The following NLRC5 variants were observed in gnomAD, a reference collection of about 807,000 sequenced individuals.
The protein encoded by NLRC5 is NLR family CARD domain containing 5, also known as protein NLRC5.
NLRC5 carries 114 observed loss-of-function variants against 206.9 expected under a neutral mutation model. The ratio of observed to expected loss-of-function variants is 0.55; its 90% CI spans 0.47 to 0.64. The LOEUF is 0.64. Among genes scored for constraint, NLRC5 ranks in the 30% least tolerant of loss-of-function variants. NLRC5 has a pLI of 0.00. For missense variants in NLRC5, 2,008 were observed against 2,305.5 expected, an observed-to-expected ratio of 0.87 and a Z score of 2.64; for synonymous variants, 952 against 962.8, an observed-to-expected ratio of 0.99 and a Z score of 0.21.
chr16:57,033,793 C>T (rs991952951), intron 12 of NLRC5, 124 bp downstream of exon 12: 28 of 912,414 alleles, frequency 3.1e-5, no homozygotes, highest in Middle Eastern at 4.7e-4. Flanking sequence ...AAGGATTAGC[C>T]GGGTGTGGTG....
intron 3 of NLRC5, 94 bp from the exon 4 acceptor site, chr16:57,022,162 G>A: frequency 2.0e-6 from 2 of 977,518 alleles, no homozygotes; most frequent in Non-Finnish European, 3.1e-6. Context: ...GTATCTCCCT[G>A]TGAGATGAGC....
Position 57,055,094 on chromosome 16 carries a change from G to A in NLRC5, c.3659G>A (p.Gly1220Asp). The A allele has an allele frequency of 6.2e-7, 1 of 1,614,168 alleles. No individual in the cohort carries two copies. The highest frequency in any genetic ancestry group is 8.5e-7 in the Non-Finnish European group (1 of 1,180,044). The change falls in exon 26 of 49, where the codon GGC becomes GAC. Residue 1220 changes from glycine to aspartate, a missense_variant and splice_region_variant. Coordinates refer to ENST00000688547, the MANE Select transcript of NLRC5 (RefSeq NM_001384950.1). ...GAGGAGGAGGAAGGCGTGTGCTGTG[G>A]GTAAGCCCCCTTGAACCATGCCTAG... ...SNEEEEGVCC[G>D]RFTGCSLSQE... is the part of the protein sequence containing the mutation.
intron 36 of NLRC5, 63 bp from the exon 37 acceptor site, chr16:57,069,773 A>T (rs779565671): frequency 1.2e-5 from 16 of 1,369,142 alleles, no homozygotes; most frequent in Non-Finnish European, 1.4e-5. Flanking sequence ...TGCCACCAGC[A>T]TTCAGAGCTC....
chr16:57,082,423 GA>G lies in NLRC5; in HGVS notation c.5498del (p.Asn1833IlefsTer12), dbSNP rs772211641. On this transcript the variant is annotated frameshift_variant, in exon 49 of 49. Coordinates refer to ENST00000688547, the MANE Select transcript of NLRC5 (RefSeq NM_001384950.1). LOFTEE classifies it low-confidence loss of function (END_TRUNC). The part of the protein sequence containing the change: ...GSSIQVIRLW[N>X]NPIPCDMAQH... Reference sequence around the variant, plus strand: ...CTATATCTGTGCCCCACAGCCTCTGGAATAACCCCATTCCCTGCGACATGGC... The same window carrying G: ...CTATATCTGTGCCCCACAGCCTCTGGATAACCCCATTCCCTGCGACATGGC... 2 of 1,611,722 alleles carry G rather than the reference GA, an allele frequency of 1.2e-6. No homozygotes were observed. Among genetic ancestry groups the G allele is most frequent in the Non-Finnish European group, 1.7e-6 (2 of 1,178,406 alleles).
chr16:57,079,444 C>T (rs574471365), intron 45 of NLRC5, 102 bp from the exon 46 acceptor site: 54 of 1,368,096 alleles, frequency 3.9e-5, no homozygotes, highest in East Asian at 2.1e-4. Context: ...TTTCCTAAAA[C>T]GCCTAGCTTA....
chr16:57,030,490 AGATGGATGGATG>A (rs199777672), intron 10 of NLRC5, among the ~76,000 whole-genome samples: 1 of 97,034 alleles, frequency 1.0e-5, no homozygotes, highest in Middle Eastern at 6.8e-3. Flanking sequence ...GTGGATGAAA[AGATGGATGGATG>A]GATGGATGGA....
At chr16:57,030,382 A>AGATGGATGGATGGATG (rs57070160) in intron 10 of NLRC5, among the ~76,000 whole-genome samples, 1,478 of 105,012 alleles carry the variant, frequency 0.014, 131 homozygotes, top group African/African-American at 0.035. Context: ...GTGGATGAAA[A>AGATGGATGGATGGATG]GATGGATGGA....
chr16:57,055,468 T>C lies in NLRC5; in HGVS notation c.3695T>C (p.Val1232Ala). 2 of 1,613,838 alleles carry C rather than the reference T, an allele frequency of 1.2e-6. No homozygotes were observed. The highest frequency in any genetic ancestry group is 2.2e-5 in the South Asian group (2 of 91,054). ...FTGCSLSQEH[V>A]ESLCWLLSKC... The stretch of plus-strand genomic sequence containing the variant: ...GGCTGCAGCCTCAGCCAGGAGCACG[T>C]AGAGTCACTCTGCTGGTTGCTGAGC... The change falls in exon 27 of 49, where the codon GTA becomes GCA. Residue 1232 changes from valine to alanine, a missense_variant. Transcript: ENST00000688547.
rs748609424 is a variant in NLRC5 at position 57,026,429 on chromosome 16, T to C, written c.1486T>C (p.Ser496Pro). The C allele has an allele frequency of 1.2e-6, 2 of 1,614,132 alleles. No individual in the cohort carries two copies. The highest frequency in any genetic ancestry group is 2.2e-5 in the South Asian group (2 of 91,086). The part of the protein sequence containing the change: ...AFGATHSLLT[S>P]FCVCTGPGHQ... Reference sequence around the variant, plus strand: ...TGGGGCCACTCACAGCCTGCTGACTTCCTTCTGCGTCTGCACAGGCCCTGG... The same window carrying C: ...TGGGGCCACTCACAGCCTGCTGACTCCCTTCTGCGTCTGCACAGGCCCTGG... The change falls in exon 6 of 49, where the codon TCC becomes CCC. Residue 496 changes from serine (S) to proline (P), a missense_variant. By Grantham distance (74) the Ser-to-Pro change is moderately conservative. Transcript: ENST00000688547.
intron 26 of NLRC5, among the ~76,000 whole-genome samples, 158 bp from the exon 27 acceptor site, chr16:57,055,275 G>T (rs1167813375): frequency 6.6e-6 from 1 of 152,248 alleles, no homozygotes; most frequent in South Asian, 2.1e-4. Context: ...GATCTACTGT[G>T]GGGGTGGGAG....
Position 57,028,395 on chromosome 16 carries a change from C to A in NLRC5, c.2243+10C>A. The A allele has an allele frequency of 6.2e-7, 1 of 1,610,540 alleles. No individual in the cohort carries two copies. The highest frequency in any genetic ancestry group is 8.5e-7 in the Non-Finnish European group (1 of 1,176,770). The stretch of plus-strand genomic sequence containing the variant: ...AGCTGAAAGAAGTCAGGTGAGTGAT[C>A]TCCAGGAGGGCTCACTGACTGGGGA... On this transcript the variant is annotated intron_variant, in intron 8 of 48. Transcript: ENST00000688547.
At chr16:57,025,210 C>T (rs1352914452) in intron 5 of NLRC5, among the ~76,000 whole-genome samples, 158 bp from the exon 6 acceptor site, 8 of 152,154 alleles carry the variant, frequency 5.3e-5, no homozygotes, top group Non-Finnish European at 1.0e-4. Context: ...GTTGGGGTGG[C>T]ACAGATCCCC....
At chr16:57,078,914 T>C (rs1033652927) in intron 43 of NLRC5, 136 bp from the exon 44 acceptor site, 28 of 763,912 alleles carry the variant, frequency 3.7e-5, no homozygotes, top group Non-Finnish European at 6.0e-5. Context: ...CCTTGATACC[T>C]ACCCAGGTCC....
rs1160761767 is a variant in NLRC5, at chr16:57,082,363, C to T, written c.5490-54C>T. On this transcript the variant is annotated intron_variant, in intron 48 of 48. Coordinates refer to ENST00000688547, the MANE Select transcript of NLRC5 (RefSeq NM_001384950.1). ...GCCTCAGCCTCCCAATCTGCAGATA[C>T]GACAGATGGCAAAGATGGGAGGATG... The T allele has an allele frequency of 4.5e-5, 64 of 1,410,930 alleles. 1 individual carries two copies. Among genetic ancestry groups the T allele is most frequent in the South Asian group, 3.8e-4 (31 of 81,880 alleles). 87.4% of individuals were successfully genotyped at this position (1,410,930 alleles called of 1,614,324 possible).
At chr16:57,077,588 C>A in intron 41 of NLRC5, 131 bp from the exon 42 acceptor site, 2 of 1,013,240 alleles carry the variant, frequency 2.0e-6, no homozygotes, top group Non-Finnish European at 2.9e-6. Context: ...GCCTCATTGT[C>A]TGGGTAGGTG....
At chr16:57,029,088 A>T (rs188304815) in intron 8 of NLRC5, among the ~76,000 whole-genome samples, 1 of 152,202 alleles carries the variant, frequency 6.6e-6, no homozygotes, top group Non-Finnish European at 1.5e-5. Flanking sequence ...GAGTGAAAAT[A>T]ATAAGTTGGA....
In NLRC5 at chr16:57,037,254, C is replaced by G. The variant is rs199850703; in HGVS notation, c.2771C>G (p.Ala924Gly). Reference sequence around the variant, plus strand: ...CATTGTGTGCTGAGGGCCGTGAGTGCGTGCTGGACCCTGGCAGAGCTGCAC... The same window carrying G: ...CATTGTGTGCTGAGGGCCGTGAGTGGGTGCTGGACCCTGGCAGAGCTGCAC... Reference protein sequence around the residue: ...GVHCVLRAVSACWTLAELHIS... With the variant: ...GVHCVLRAVSGCWTLAELHIS... The change falls in exon 15 of 49, where the codon GCG becomes GGG. Residue 924 changes from alanine to glycine, a missense_variant. Transcript: ENST00000688547. 1.2e-6 allele frequency: 2 copies of G among 1,613,602 alleles called. No homozygotes were observed. The highest frequency in any genetic ancestry group is 1.1e-5 in the South Asian group (1 of 91,082).
At chr16:57,032,224 C>A (rs1404971708) in intron 11 of NLRC5, among the ~76,000 whole-genome samples, 2 of 151,920 alleles carry the variant, frequency 1.3e-5, no homozygotes, top group Non-Finnish European at 2.9e-5. Context: ...GCCTGGGCAA[C>A]ATAGCAAGAC....
In NLRC5 at chr16:57,079,164, G is replaced by A. The variant is rs563262112; in HGVS notation, c.5165+31G>A. 24 of 1,613,076 alleles carry A rather than the reference G, an allele frequency of 1.5e-5. No homozygotes were observed. In the East Asian group the frequency reaches 4.7e-4, roughly 31 times the overall value. Reference sequence around the variant, plus strand: ...TAGGGGCTGCCCAGCCCAGGCACGGGGACAGTCCTGGGCGGGTCTGGGGGT... The same window carrying A: ...TAGGGGCTGCCCAGCCCAGGCACGGAGACAGTCCTGGGCGGGTCTGGGGGT... On this transcript the variant is annotated intron_variant, in intron 44 of 48. Coordinates refer to ENST00000688547, the MANE Select transcript of NLRC5 (RefSeq NM_001384950.1).
Sources: gnomAD v4.1 joint callset for allele counts (sites outside exome capture counted in the v4.1 genomes callset) on GRCh38, gnomAD v4.1.1 for gene constraint, MANE v1.5 for transcripts, NCBI Gene and HGNC (gene_info 2026-07-23, HGNC 2026-07-21) for gene names.